UBAP2: variants seen among roughly 807,000 people sequenced by gnomAD.
UBAP2 encodes ubiquitin-associated protein 2.
In UBAP2, 75 loss-of-function variants were observed where a neutral mutation model predicts 139.6. The observed-to-expected ratio is 0.54, with a 90% CI of 0.45 to 0.65. The LOEUF (loss-of-function observed/expected upper bound fraction) is 0.65. Ranked by LOEUF, UBAP2 falls within the 30% of genes least tolerant of loss-of-function variation. The probability of loss-of-function intolerance (pLI) is 0.00; values close to 1 mark genes in which losing one functional copy is unlikely to be tolerated. For synonymous variants in UBAP2, 526 were observed against 526.2 expected, an observed-to-expected ratio of 1.00 and a Z score of 0.01; for missense variants, 1,368 against 1,369.6, an observed-to-expected ratio of 1.00 and a Z score of 0.02.
chr9:33,970,498 T>G (rs1180226980), intron 8 of UBAP2, among the ~76,000 whole-genome samples: 1 of 150,696 alleles, frequency 6.6e-6, no homozygotes, highest in African/African-American at 2.4e-5. Context: ...GGCAAAATCA[T>G]AGCTCACTGC....
rs1171653189 is a variant in UBAP2, at chr9:33,981,640, C to T, written c.520+5120G>A. Reference sequence around the variant, plus strand: ...AAGTGCTAGAATTACAGGCATAAGCCACTGTACTTGGCCTGAAATTATTTT... The same window carrying T: ...AAGTGCTAGAATTACAGGCATAAGCTACTGTACTTGGCCTGAAATTATTTT... On this transcript the variant is annotated intron_variant, in intron 6 of 28. Transcript: ENST00000379238. Among the ~76,000 whole-genome samples, 9 of 151,872 alleles carry T rather than the reference C, an allele frequency of 5.9e-5. 1 individual carries two copies. The highest frequency in any genetic ancestry group is 3.9e-4 in the Admixed American group (6 of 15,192).
intron 1 of UBAP2, among the ~76,000 whole-genome samples, chr9:34,020,408 T>C (rs1330100531): frequency 1.3e-5 from 2 of 151,396 alleles, no homozygotes; most frequent in Admixed American, 1.3e-4. Context: ...CACTGCAACC[T>C]CCACCTTCTG....
intron 1 of UBAP2, among the ~76,000 whole-genome samples, chr9:34,020,325 AT>A (rs574825348): frequency 0.017 from 2,513 of 145,286 alleles, 28 homozygotes; most frequent in Non-Finnish European, 0.026. Context: ...AGAGCCAATG[AT>A]TTTTTTTTTT....
At chr9:33,984,882 G>A (rs948767822) in intron 6 of UBAP2, among the ~76,000 whole-genome samples, 1 of 152,166 alleles carries the variant, frequency 6.6e-6, no homozygotes, top group Non-Finnish European at 1.5e-5. Flanking sequence ...GGCTGAAACA[G>A]GAAGATTGCC....
chr9:33,933,428 T>C, intron 18 of UBAP2, 62 bp downstream of exon 18: 2 of 1,580,276 alleles, frequency 1.3e-6, no homozygotes, highest in Non-Finnish European at 8.6e-7. Context: ...AGCAACCTTC[T>C]ACAGGAGCTC....
At chr9:33,979,862 G>T (rs1457786307) in intron 6 of UBAP2, among the ~76,000 whole-genome samples, 1 of 150,492 alleles carries the variant, frequency 6.6e-6, no homozygotes, top group Non-Finnish European at 1.5e-5. Flanking sequence ...GTGAGACTCT[G>T]TCTCTAAATA....
intron 6 of UBAP2, among the ~76,000 whole-genome samples, chr9:33,983,175 G>A (rs760689623): frequency 1.3e-5 from 2 of 152,008 alleles, no homozygotes; most frequent in Non-Finnish European, 2.9e-5. Flanking sequence ...ACGGTGCCCG[G>A]CCCCCCTATA....
chr9:33,978,991 G>A (rs939515996), intron 6 of UBAP2, among the ~76,000 whole-genome samples: 6 of 152,238 alleles, frequency 3.9e-5, no homozygotes, highest in African/African-American at 1.4e-4. Flanking sequence ...TAATCCCTCT[G>A]CTTTAGGAGG....
At chr9:33,978,471 T>C (rs766548353) in intron 6 of UBAP2, among the ~76,000 whole-genome samples, 8 of 152,070 alleles carry the variant, frequency 5.3e-5, no homozygotes, top group Non-Finnish European at 8.8e-5. Flanking sequence ...CAATAATTAG[T>C]TTTAAAAGTA....
Position 33,989,052 on chromosome 9 carries a change from C to T in UBAP2, c.363G>A (p.Glu121=), listed in dbSNP as rs1185459755. 6 of 1,614,008 alleles carry T rather than the reference C, an allele frequency of 3.7e-6. No homozygotes were observed. The highest frequency in any genetic ancestry group is 5.1e-6 in the Non-Finnish European group (6 of 1,179,978). The change falls in exon 5 of 29, where the codon GAG becomes GAA. Residue 121 remains glutamate (E), a synonymous_variant. Coordinates refer to ENST00000379238, the MANE Select transcript of UBAP2 (RefSeq NM_001370062.2). ...KENSENKENR[E]KKSEKESSRG... is the part of the protein sequence containing the mutation. ...GACTCGATTCTTTCTCGCTTTTCTTCTCTCTATTCTCTTTGTTTTCTGAAT... is the reference window on the plus strand; with the variant it reads ...GACTCGATTCTTTCTCGCTTTTCTTTTCTCTATTCTCTTTGTTTTCTGAAT...
chr9:33,927,179 G>C (rs1158161713), intron 20 of UBAP2, 99 bp from the exon 21 acceptor site: 1 of 895,922 alleles, frequency 1.1e-6, no homozygotes. Context: ...AGCTACCCCA[G>C]ATGGGTTCAA....
intron 10 of UBAP2, among the ~76,000 whole-genome samples, chr9:33,957,868 A>G (rs1344996265): frequency 6.6e-6 from 1 of 151,922 alleles, no homozygotes; most frequent in African/African-American, 2.4e-5. Flanking sequence ...CAACAATATA[A>G]AAGTGCTAAA....
intron 1 of UBAP2, among the ~76,000 whole-genome samples, chr9:34,037,443 A>G (rs991188573): frequency 7.9e-5 from 12 of 152,196 alleles, no homozygotes; most frequent in Admixed American, 7.9e-4. Context: ...CCCATATACT[A>G]CCTTAAGTTT....
intron 13 of UBAP2, 73 bp from the exon 14 acceptor site, chr9:33,944,712 T>C: frequency 1.3e-6 from 2 of 1,498,422 alleles, no homozygotes; most frequent in Non-Finnish European, 1.8e-6. Flanking sequence ...TGAAGTGTTC[T>C]ATTACCACCA....
In UBAP2 at chr9:33,976,072, T is replaced by C. The variant is rs1026430018; in HGVS notation, c.521-2835A>G. Among the ~76,000 whole-genome samples, 12 of 151,984 alleles carry C rather than the reference T, an allele frequency of 7.9e-5. No individual in the cohort carries two copies. In the South Asian group the frequency reaches 8.3e-4, roughly 10 times the overall value. ...CTCTACAATAAATTTTTTTAATAAA[T>C]GTTTTTTTAAGAAGGCAAAAGTAAG... On this transcript the variant is annotated intron_variant, in intron 6 of 28. Coordinates refer to ENST00000379238, the MANE Select transcript of UBAP2 (RefSeq NM_001370062.2).
At chr9:33,949,428 C>T (rs183701417) in intron 12 of UBAP2, among the ~76,000 whole-genome samples, 8 of 152,134 alleles carry the variant, frequency 5.3e-5, no homozygotes, top group East Asian at 1.9e-4. Flanking sequence ...TCAGGCTGGG[C>T]GCAGTGGCTC....
At chr9:34,026,851 C>T (rs575256863) in intron 1 of UBAP2, among the ~76,000 whole-genome samples, 8 of 152,270 alleles carry the variant, frequency 5.3e-5, no homozygotes, top group Middle Eastern at 3.4e-3. Flanking sequence ...AACTATTATG[C>T]TATGTTGTAA....
At position 34,039,216 on chromosome 9, in the gene UBAP2, C is replaced by T. The variant is rs1232638286; in HGVS notation, c.-42+9609G>A. ...GGGGGGCAGCCCCCGCCCGGCCAGC[C>T]GCCCCGTTGGGGAGTTGGGGGGCGC... is the stretch of plus-strand genomic sequence containing the variant. On this transcript the variant is annotated intron_variant, in intron 1 of 28. Transcript: ENST00000379238. 1.7e-4 allele frequency among the ~76,000 whole-genome samples: 25 copies of T among 150,672 alleles called. No homozygotes were observed. In the South Asian group the frequency reaches 4.0e-3, roughly 24 times the overall value.
At chr9:34,024,958 G>T (rs1758631) in intron 1 of UBAP2, among the ~76,000 whole-genome samples, 102,908 of 151,274 alleles carry the variant, frequency 0.68, 35,605 homozygotes, top group East Asian at 0.82. Context: ...CACTCCAATC[G>T]GGGCGACAGA....
Sources: allele counts gnomAD v4.1 joint callset (sites outside exome capture counted in the v4.1 genomes callset), GRCh38; gene constraint gnomAD v4.1.1; transcripts MANE v1.5; gene names NCBI Gene and HGNC (gene_info 2026-07-23, HGNC 2026-07-21).